LGI1: variants seen among roughly 807,000 people sequenced by gnomAD.
LGI1 encodes the protein leucine rich glioma inactivated 1.
In LGI1, 11 loss-of-function variants were observed where a neutral mutation model predicts 57.7. The observed-to-expected ratio is 0.19, with a 90% CI of 0.12 to 0.32. The LOEUF (loss-of-function observed/expected upper bound fraction) is 0.32, where lower values mean the gene tolerates loss of function less well. Ranked by LOEUF, LGI1 falls within the 10% of genes least tolerant of loss-of-function variation. LGI1 has a pLI of 1.00. For missense variants in LGI1, 422 were observed against 661.9 expected (o/e 0.64, Z 3.98); for synonymous variants, 222 against 241.9 (o/e 0.92, Z 0.76).
At position 93,793,280 on chromosome 10, in the gene LGI1, T is replaced by C. The variant is rs372978335; in HGVS notation, c.768T>C (p.Phe256=). ...AGTATGTAGTCATCGCTCAGCCTTTTACTGGAAAATGCATTTTCCTTGAAT... is the reference window on the plus strand; with the variant it reads ...AGTATGTAGTCATCGCTCAGCCTTTCACTGGAAAATGCATTTTCCTTGAAT... The part of the protein sequence containing the change: ...NDEYVVIAQP[F]TGKCIFLEWD... Residue 256 remains phenylalanine (F), a synonymous_variant, in exon 7 of 8, where the codon TTT becomes TTC. Coordinates refer to ENST00000371418, the MANE Select transcript of LGI1 (RefSeq NM_005097.4). 3 of 1,613,666 alleles carry C rather than the reference T, an allele frequency of 1.9e-6. No homozygotes were observed. The African/African-American group carries it at 4.0e-5, about 22-fold the overall frequency.
At chr10:93,777,069 T>C (rs144692138) in intron 2 of LGI1, 7,484 of 472,896 alleles carry the variant, frequency 0.016, 76 homozygotes, top group Non-Finnish European at 0.023. Flanking sequence ...GTCATGAAAA[T>C]ATGTAAAATG....
intron 2 of LGI1, among the ~76,000 whole-genome samples, chr10:93,766,159 G>A (rs915127176): frequency 7.9e-5 from 12 of 152,144 alleles, no homozygotes; most frequent in African/African-American, 2.9e-4. Flanking sequence ...TCCCTGTGGT[G>A]GTTGATGATA....
At chr10:93,790,446 G>A (rs1409744827) in intron 5 of LGI1, 4 of 405,448 alleles carry the variant, frequency 9.9e-6, no homozygotes, top group Non-Finnish European at 1.3e-5. Context: ...GGACTTTGAC[G>A]GGGTGGGAAG....
chr10:93,787,315 C>G (rs190115705), intron 4 of LGI1, among the ~76,000 whole-genome samples: 3 of 152,318 alleles, frequency 2.0e-5, no homozygotes, highest in Non-Finnish European at 4.4e-5. Context: ...CTGCCTCCCC[C>G]ACCCTCTGAT....
intron 2 of LGI1, chr10:93,762,664 CA>C (rs1318328692): frequency 6.6e-6 from 1 of 152,140 alleles, no homozygotes; most frequent in Non-Finnish European, 1.5e-5. Context: ...GACCAAAAAG[CA>C]AAAATTTCAG....
chr10:93,791,492 G>C (rs887639981), intron 5 of LGI1: 2 of 152,154 alleles, frequency 1.3e-5, no homozygotes, highest in African/African-American at 4.8e-5. Flanking sequence ...TAGCCTTTTG[G>C]ACCTACTCTA....
In LGI1 at chr10:93,792,776, T is replaced by C; in HGVS notation, c.537T>C (p.Cys179=). 5 of 1,614,126 alleles carry C rather than the reference T, an allele frequency of 3.1e-6. No homozygotes were observed. Among genetic ancestry groups the C allele is most frequent in the Non-Finnish European group, 4.2e-6 (5 of 1,180,012 alleles). ...GGGGTAATTCATTTAATTGTGACTGTAAACTGAAATGGCTAGTGGAATGGC... is the reference window on the plus strand; with the variant it reads ...GGGGTAATTCATTTAATTGTGACTGCAAACTGAAATGGCTAGTGGAATGGC... ...DLRGNSFNCD[C]KLKWLVEWLG... is the part of the protein sequence containing the mutation. The change falls in exon 6 of 8, where the codon TGT becomes TGC. Residue 179 remains cysteine (C), a synonymous_variant. Coordinates refer to ENST00000371418, the MANE Select transcript of LGI1 (RefSeq NM_005097.4).
chr10:93,790,173 A>G lies in LGI1; in HGVS notation c.503+3A>G, dbSNP rs1418980187. The stretch of plus-strand genomic sequence containing the variant: ...GGCCTGGATTCTTTAACAAATGTGT[A>G]AGAGGACCTAAGAAATCACTGAACA... On this transcript the variant is annotated splice_donor_region_variant and intron_variant, in intron 5 of 7. Coordinates refer to ENST00000371418, the MANE Select transcript of LGI1 (RefSeq NM_005097.4). 1 of 1,600,534 alleles carries G rather than the reference A, an allele frequency of 6.2e-7. No homozygotes were observed. The highest frequency in any genetic ancestry group is 1.3e-5 in the African/African-American group (1 of 74,426).
chr10:93,778,123 C>T (rs985785375), intron 4 of LGI1, among the ~76,000 whole-genome samples: 9 of 152,168 alleles, frequency 5.9e-5, no homozygotes, highest in African/African-American at 2.2e-4. Flanking sequence ...TCCCAGGGAA[C>T]ATTTGGCAAT....
intron 2 of LGI1, chr10:93,777,059 G>T (rs1045954433): frequency 6.8e-6 from 3 of 444,410 alleles, no homozygotes; most frequent in African/African-American, 6.0e-5. Context: ...TAGTGCCTTT[G>T]TCATGAAAAT....
intron 4 of LGI1, among the ~76,000 whole-genome samples, chr10:93,779,332 A>G (rs1213228585): frequency 1.3e-5 from 2 of 151,102 alleles, no homozygotes; most frequent in Non-Finnish European, 2.9e-5. Context: ...GGTTTCTCTC[A>G]GGCTCCATGC....
intron 4 of LGI1, chr10:93,789,162 G>A (rs1240544422): frequency 8.7e-6 from 1 of 114,378 alleles, no homozygotes; most frequent in Non-Finnish European, 2.0e-5. Context: ...AAGGGAAAGG[G>A]AAAAACATTC....
intron 2 of LGI1, chr10:93,771,015 T>C (rs1465351411): frequency 6.6e-6 from 1 of 150,934 alleles, no homozygotes; most frequent in Admixed American, 6.6e-5. Flanking sequence ...AGAAAAGCAA[T>C]AAAGAAAAGA....
At chr10:93,761,905 A>G (rs945548482) in intron 2 of LGI1, among the ~76,000 whole-genome samples, 6 of 152,238 alleles carry the variant, frequency 3.9e-5, no homozygotes, top group African/African-American at 9.6e-5. Context: ...TTAGTGATAG[A>G]AAGTGGTACT....
chr10:93,789,505 C>G (rs1179061166), intron 4 of LGI1: 1 of 153,150 alleles, frequency 6.5e-6, no homozygotes, highest in African/African-American at 2.4e-5. Context: ...CTAGATTGAG[C>G]GTCTGAGAGT....
chr10:93,769,896 A>G (rs2059717743), intron 2 of LGI1: 1 of 152,166 alleles, frequency 6.6e-6, no homozygotes, highest in African/African-American at 2.4e-5. Context: ...GATGTAGGCC[A>G]CTCATGGGCC....
chr10:93,758,365 G>T lies in LGI1; in HGVS notation c.215+6G>T, dbSNP rs367677027. 7.4e-6 allele frequency: 12 copies of T among 1,612,606 alleles called. No individual in the cohort carries two copies. Among genetic ancestry groups the T allele is most frequent in the Non-Finnish European group, 1.0e-5 (12 of 1,178,878 alleles). ...CCTCCTGATGTTATCTCATTGTAAG[G>T]CCCGTAAGCATTTTGATATCTAATT... is the stretch of plus-strand genomic sequence containing the variant. On this transcript the variant is annotated splice_donor_region_variant and intron_variant, in intron 1 of 7. Coordinates refer to ENST00000371418, the MANE Select transcript of LGI1 (RefSeq NM_005097.4). The surrounding 1 kb of genome is among the most constrained non-coding windows in gnomAD (Gnocchi z 4.7).
chr10:93,774,085 C>T (rs547269656), intron 2 of LGI1, among the ~76,000 whole-genome samples: 3 of 152,290 alleles, frequency 2.0e-5, no homozygotes, highest in East Asian at 3.9e-4. Flanking sequence ...AAGTCCACAG[C>T]TCCTCCACTC....
intron 2 of LGI1, chr10:93,765,357 A>T (rs1392423756): frequency 6.6e-6 from 1 of 152,190 alleles, no homozygotes; most frequent in African/African-American, 2.4e-5. Flanking sequence ...TGAAGGAAGC[A>T]GTTGAGTATA....
Sources: gnomAD v4.1 joint callset for allele counts (sites outside exome capture counted in the v4.1 genomes callset) on GRCh38, gnomAD v4.1.1 for gene constraint, Gnocchi (gnomAD v3.1) non-coding constraint, MANE v1.5 for transcripts, NCBI Gene and HGNC (gene_info 2026-07-23, HGNC 2026-07-21) for gene names.